Variants in B4GALT2 observed in about 807,000 individuals in gnomAD.
B4GALT2 encodes the protein N-acetyllactosamine synthase.
In B4GALT2, 18 loss-of-function variants were observed where a neutral mutation model predicts 33.2. The ratio of observed to expected loss-of-function variants is 0.54; its 90% CI spans 0.38 to 0.80. The LOEUF is 0.80. Ranked by LOEUF, B4GALT2 falls within the 30% of genes least tolerant of loss-of-function variation. The pLI is 0.00. For synonymous variants in B4GALT2, 214 were observed against 217.6 expected, an observed-to-expected ratio of 0.98 and a Z score of 0.15; for missense variants, 404 against 526.2, an observed-to-expected ratio of 0.77 and a Z score of 2.27.
chr1:43,983,640 C>T (rs565173889), intron 3 of B4GALT2, among the ~76,000 whole-genome samples: 51 of 152,288 alleles, frequency 3.3e-4, no homozygotes, highest in Non-Finnish European at 6.6e-4. Context: ...AAAATCCCTG[C>T]TGAGAAGGGA....
At chr1:43,983,409 C>T (rs557076987) in intron 3 of B4GALT2, among the ~76,000 whole-genome samples, 49 of 152,226 alleles carry the variant, frequency 3.2e-4, no homozygotes, top group African/African-American at 1.1e-3. Context: ...CCCGGAAACC[C>T]GGCAGTCAGT....
chr1:43,981,085 C>A lies in B4GALT2; in HGVS notation c.-52-24C>A. 2.0e-6 allele frequency: 3 copies of A among 1,535,508 alleles called. No individual in the cohort carries two copies. The highest frequency in any genetic ancestry group is 2.6e-6 in the Non-Finnish European group (3 of 1,144,490). On this transcript the variant is annotated intron_variant, in intron 1 of 6. Transcript: ENST00000372324. This position sits in a 1 kb window ranked among gnomAD's most constrained non-coding sequence, Gnocchi z 8.1. ...CCTGTCCTGCCCTGACCTGCTGGAT[C>A]TGTTTCCCTCCCACCCTGCTCAGGC...
At position 43,979,883 on chromosome 1, in the gene B4GALT2, A is replaced by G; in HGVS notation, c.-53+372A>G. 1 of 1,074,498 alleles carries G rather than the reference A, an allele frequency of 9.3e-7. No homozygotes were observed. The highest frequency in any genetic ancestry group is 1.3e-6 in the Non-Finnish European group (1 of 755,668). 66.6% of individuals were successfully genotyped at this position (1,074,498 alleles called of 1,614,324 possible). A position where few individuals can be genotyped will look rare whatever the true frequency, so the allele number is the denominator to read the frequency against. ...GCCCGTCCGCGGGTGCCACGTGTTCAGCCTGCCAGCCCCGCCCAAACGCAC... is the reference window on the plus strand; with the variant it reads ...GCCCGTCCGCGGGTGCCACGTGTTCGGCCTGCCAGCCCCGCCCAAACGCAC... On this transcript the variant is annotated intron_variant, in intron 1 of 6. Coordinates refer to ENST00000372324, the MANE Select transcript of B4GALT2 (RefSeq NM_003780.5). The surrounding 1 kb of genome is among the most constrained non-coding windows in gnomAD (Gnocchi z 4.8).
chr1:43,988,505 A>G (rs554368401), intron 6 of B4GALT2, among the ~76,000 whole-genome samples: 10 of 151,928 alleles, frequency 6.6e-5, no homozygotes, highest in African/African-American at 1.9e-4. Flanking sequence ...AAAAATACCA[A>G]AAAAATTAGC....
chr1:43,985,617 C>T lies in B4GALT2; in HGVS notation c.964C>T (p.Gln322Ter). ...CGACAAGCATAACGAACCTAACCCT[C>T]AGAGGTGACCCCAGCACCCTCACCC... Reference protein sequence around the residue: ...DRDKHNEPNPQRFTKIQNTKL... With the variant: ...DRDKHNEPNP The change falls in exon 6 of 7, where the codon CAG becomes TAG. Residue 322 changes from glutamine to a stop codon, truncating the protein, a stop_gained. Coordinates refer to ENST00000372324, the MANE Select transcript of B4GALT2 (RefSeq NM_003780.5). LOFTEE classifies it high-confidence loss of function. The T allele has an allele frequency of 6.2e-7, 1 of 1,613,938 alleles. No homozygotes were observed. The highest frequency in any genetic ancestry group is 8.5e-7 in the Non-Finnish European group (1 of 1,179,946).
chr1:43,985,907 T>G, intron 6 of B4GALT2: 1 of 500,564 alleles, frequency 2.0e-6, no homozygotes, highest in South Asian at 2.2e-5. Context: ...TGTCAGGGCC[T>G]AAATAGTCAT....
chr1:43,983,350 C>T (rs1571804136), intron 3 of B4GALT2, among the ~76,000 whole-genome samples: 2 of 152,096 alleles, frequency 1.3e-5, no homozygotes, highest in South Asian at 2.1e-4. Flanking sequence ...CTACAGAGGC[C>T]GAGAGGCTTG....
At chr1:43,987,201 T>C (rs1366622064) in intron 6 of B4GALT2, among the ~76,000 whole-genome samples, 1 of 152,208 alleles carries the variant, frequency 6.6e-6, no homozygotes, top group Non-Finnish European at 1.5e-5. Context: ...GTAGCCTGCC[T>C]GAGTGCCACC....
In B4GALT2 at chr1:43,979,941, C is replaced by T; in HGVS notation, c.-53+430C>T. On this transcript the variant is annotated intron_variant, in intron 1 of 6. Transcript: ENST00000372324. This position sits in a 1 kb window ranked among gnomAD's most constrained non-coding sequence, Gnocchi z 4.8. ...CCTGGCCGCCAGCCTGACCCAGAAC[C>T]CCTGCGCCGGAGGGAGGGTGGGAAT... is the stretch of plus-strand genomic sequence containing the variant. 1 of 1,516,512 alleles carries T rather than the reference C, an allele frequency of 6.6e-7. No homozygotes were observed. The allele number at this position is 1,516,512 out of a possible 1,614,324, so 93.9% of individuals were successfully genotyped here. A position where few individuals can be genotyped will look rare whatever the true frequency, so the allele number is the denominator to read the frequency against.
In B4GALT2 at chr1:43,990,520, G is replaced by T. The variant is rs1174282908; in HGVS notation, c.*72G>T. 5 of 1,583,770 alleles carry T rather than the reference G, an allele frequency of 3.2e-6. No homozygotes were observed. In the East Asian group the frequency reaches 1.1e-4, roughly 35 times the overall value. On this transcript the variant is annotated 3_prime_UTR_variant, in exon 7 of 7. Coordinates refer to ENST00000372324, the MANE Select transcript of B4GALT2 (RefSeq NM_003780.5). Reference sequence around the variant, plus strand: ...ACTGACCACAGCCTGGCTGGCAGCTGCTCTGTGGAGGACCTCCAGGACTGA... The same window carrying T: ...ACTGACCACAGCCTGGCTGGCAGCTTCTCTGTGGAGGACCTCCAGGACTGA...
rs759135530 is a variant in B4GALT2, at chr1:43,985,445, G to T, written c.863+45G>T. ...GGAATAGGCTGGGTGGGGGGGGGAGGGGGGGTGCAGACTGGGTGGGGTTCT... is the reference window on the plus strand; with the variant it reads ...GGAATAGGCTGGGTGGGGGGGGGAGTGGGGGTGCAGACTGGGTGGGGTTCT... On this transcript the variant is annotated intron_variant, in intron 5 of 6. Transcript: ENST00000372324. 1.3e-4 allele frequency: 115 copies of T among 862,460 alleles called. 10 individuals carry two copies. The highest frequency in any genetic ancestry group is 6.9e-4 in the South Asian group (44 of 63,406). 53.4% of individuals were successfully genotyped at this position (862,460 alleles called of 1,614,324 possible).
At chr1:43,985,876 C>T (rs2085653823) in intron 6 of B4GALT2, 2 of 556,674 alleles carry the variant, frequency 3.6e-6, no homozygotes, top group African/African-American at 3.8e-5. Flanking sequence ...GGCCTGATTC[C>T]TAGAGGTGAC....
At position 43,990,480 on chromosome 1, in the gene B4GALT2, A is replaced by G. The variant is rs758963543; in HGVS notation, c.*32A>G. On this transcript the variant is annotated 3_prime_UTR_variant, in exon 7 of 7. Transcript: ENST00000372324. ...TGGACAGAGGCTCTCGGTGCCGAAGATTGCCTGCCAGAGGACTGACCACAG... is the reference window on the plus strand; with the variant it reads ...TGGACAGAGGCTCTCGGTGCCGAAGGTTGCCTGCCAGAGGACTGACCACAG... The G allele has an allele frequency of 3.2e-5, 51 of 1,612,858 alleles. No individual in the cohort carries two copies. In the Middle Eastern group the frequency reaches 8.8e-4, roughly 28 times the overall value.
Position 43,985,635 on chromosome 1 carries a change from C to A in B4GALT2, c.968+14C>A. The A allele has an allele frequency of 6.2e-7, 1 of 1,612,624 alleles. No homozygotes were observed. The highest frequency in any genetic ancestry group is 2.2e-5 in the East Asian group (1 of 44,846). On this transcript the variant is annotated intron_variant, in intron 6 of 6. Coordinates refer to ENST00000372324, the MANE Select transcript of B4GALT2 (RefSeq NM_003780.5). ...TAACCCTCAGAGGTGACCCCAGCAC[C>A]CTCACCCCTTACTCCCCAGAGGCAA...
chr1:43,981,986 G>T lies in B4GALT2; in HGVS notation c.549+62G>T. ...ATATGTGGGTTGGGGGCGTTTGTGGGTCCTTGTCTGCCCGTGTGGATATGT... is the reference window on the plus strand; with the variant it reads ...ATATGTGGGTTGGGGGCGTTTGTGGTTCCTTGTCTGCCCGTGTGGATATGT... On this transcript the variant is annotated intron_variant, in intron 3 of 6. Coordinates refer to ENST00000372324, the MANE Select transcript of B4GALT2 (RefSeq NM_003780.5). This position sits in a 1 kb window ranked among gnomAD's most constrained non-coding sequence, Gnocchi z 8.1. 1 of 1,523,700 alleles carries T rather than the reference G, an allele frequency of 6.6e-7. No individual in the cohort carries two copies. 94.4% of individuals were successfully genotyped at this position (1,523,700 alleles called of 1,614,324 possible).
At chr1:43,985,701 C>A in intron 6 of B4GALT2, 80 bp downstream of exon 6, 2 of 1,364,928 alleles carry the variant, frequency 1.5e-6, no homozygotes, top group South Asian at 1.2e-5. Context: ...GTGGCCCAAT[C>A]CCTGATCCCC....
chr1:43,985,445 G>GA lies in B4GALT2; in HGVS notation c.863+45_863+46insA, dbSNP rs1571806458. 7.0e-6 allele frequency: 6 copies of GA among 862,342 alleles called. 1 individual carries two copies. The East Asian group carries it at 1.4e-4, about 20-fold the overall frequency. The allele number at this position is 862,342 out of a possible 1,614,324, so 53.4% of individuals were successfully genotyped here. A position where few individuals can be genotyped will look rare whatever the true frequency, so the allele number is the denominator to read the frequency against. On this transcript the variant is annotated intron_variant, in intron 5 of 6. Coordinates refer to ENST00000372324, the MANE Select transcript of B4GALT2 (RefSeq NM_003780.5). ...GGAATAGGCTGGGTGGGGGGGGGAG[G>GA]GGGGGTGCAGACTGGGTGGGGTTCT...
chr1:43,980,568 T>C, intron 1 of B4GALT2: 1 of 994,996 alleles, frequency 1.0e-6, no homozygotes, highest in Non-Finnish European at 1.2e-6. Flanking sequence ...CCACCATGGC[T>C]CCTGGAAGGA....
intron 3 of B4GALT2, among the ~76,000 whole-genome samples, chr1:43,983,900 T>A (rs994313775): frequency 1.3e-5 from 2 of 152,134 alleles, no homozygotes; most frequent in African/African-American, 4.8e-5. Flanking sequence ...AGCTCCCACC[T>A]CTTCTGGCAG....
Sources: gnomAD v4.1 joint callset for allele counts (sites outside exome capture counted in the v4.1 genomes callset) on GRCh38, gnomAD v4.1.1 for gene constraint, Gnocchi (gnomAD v3.1) non-coding constraint, MANE v1.5 for transcripts, NCBI Gene and HGNC (gene_info 2026-07-23, HGNC 2026-07-21) for gene names.